TSPAN12: variants seen among roughly 807,000 people sequenced by gnomAD.
The protein encoded by TSPAN12 is tetraspanin-12.
A neutral mutation model predicts 39.2 loss-of-function variants in TSPAN12; 19 were observed. The ratio of observed to expected loss-of-function variants is 0.49; its 90% CI spans 0.34 to 0.71. The LOEUF is 0.71. Ranked by LOEUF, TSPAN12 falls within the 30% of genes least tolerant of loss-of-function variation. TSPAN12 has a pLI of 0.01. For synonymous variants in TSPAN12, 119 were observed against 124.8 expected, an observed-to-expected ratio of 0.95 and a Z score of 0.31; for missense variants, 314 against 359.9, an observed-to-expected ratio of 0.87 and a Z score of 1.03.
intron 4 of TSPAN12, among the ~76,000 whole-genome samples, chr7:120,828,020 G>A (rs1794321956): frequency 6.6e-6 from 1 of 152,118 alleles, no homozygotes; most frequent in Non-Finnish European, 1.5e-5. Flanking sequence ...AAGACATCTA[G>A]ATTAATAGAA....
chr7:120,813,141 A>G (rs1794014794), intron 5 of TSPAN12, among the ~76,000 whole-genome samples: 1 of 152,234 alleles, frequency 6.6e-6, no homozygotes, highest in Admixed American at 6.5e-5. Flanking sequence ...AAAAGCACAA[A>G]GCCCATTCTA....
At chr7:120,847,495 A>T (rs918525613) in intron 2 of TSPAN12, among the ~76,000 whole-genome samples, 1 of 152,178 alleles carries the variant, frequency 6.6e-6, no homozygotes, top group Non-Finnish European at 1.5e-5. Context: ...ACTTACCTCC[A>T]TTCCTCCAAA....
chr7:120,814,597 A>G (rs374826923), intron 5 of TSPAN12, among the ~76,000 whole-genome samples: 1 of 152,314 alleles, frequency 6.6e-6, no homozygotes, highest in East Asian at 1.9e-4. Context: ...ACATCACATC[A>G]CTAGCAGTAA....
At chr7:120,854,207 G>A (rs962625919) in intron 2 of TSPAN12, among the ~76,000 whole-genome samples, 1 of 152,174 alleles carries the variant, frequency 6.6e-6, no homozygotes, top group Non-Finnish European at 1.5e-5. Flanking sequence ...ATATAATGGG[G>A]TAATTACTGC....
intron 7 of TSPAN12, among the ~76,000 whole-genome samples, chr7:120,806,226 C>T (rs1793870466): frequency 6.6e-6 from 1 of 152,028 alleles, no homozygotes; most frequent in African/African-American, 2.4e-5. Context: ...GCTTCTTGCA[C>T]ATCCAGTGTT....
At chr7:120,831,106 G>A (rs1794382789) in intron 4 of TSPAN12, among the ~76,000 whole-genome samples, 1 of 151,974 alleles carries the variant, frequency 6.6e-6, no homozygotes, top group Non-Finnish European at 1.5e-5. Flanking sequence ...ATATCAACTT[G>A]TAGCTCTTAG....
At chr7:120,795,810 A>C (rs1793616844) in intron 7 of TSPAN12, among the ~76,000 whole-genome samples, 1 of 152,240 alleles carries the variant, frequency 6.6e-6, no homozygotes, top group Non-Finnish European at 1.5e-5. Flanking sequence ...TAAGCTCTGC[A>C]GGGAAATAAT....
chr7:120,806,596 A>G lies in TSPAN12; in HGVS notation c.565T>C (p.Cys189Arg). 6.2e-7 allele frequency: 1 copy of G among 1,613,592 alleles called. No individual in the cohort carries two copies. The highest frequency in any genetic ancestry group is 8.5e-7 in the Non-Finnish European group (1 of 1,179,636). The change falls in exon 7 of 8, where the codon TGT (cysteine) becomes CGT (arginine). Residue 189 changes from cysteine (C) to arginine (R), a missense_variant. Physicochemically the swap from Cys to Arg is radical, Grantham distance 180. Coordinates refer to ENST00000222747, the MANE Select transcript of TSPAN12 (RefSeq NM_012338.4). The stretch of plus-strand genomic sequence containing the variant: ...TCTTCCTGGTGGGCCTGTTTGGAAC[A>G]TCCTGGGAATTCTCTAACACAGCAG... ...DSCCVREFPG[C>R]SKQAHQEDLS...
At chr7:120,850,319 A>AT (rs578172079) in intron 2 of TSPAN12, among the ~76,000 whole-genome samples, 15 of 152,242 alleles carry the variant, frequency 9.9e-5, no homozygotes, top group Non-Finnish European at 2.1e-4. Flanking sequence ...TTGTTTGGGC[A>AT]TAATTCTTAG....
intron 6 of TSPAN12, 41 bp downstream of exon 6, chr7:120,810,422 A>T: frequency 8.0e-7 from 1 of 1,243,820 alleles, no homozygotes; most frequent in Non-Finnish European, 1.2e-6. Flanking sequence ...AAGGTGCACC[A>T]CTTACTTCAC....
chr7:120,813,371 A>T (rs941160102), intron 5 of TSPAN12, among the ~76,000 whole-genome samples: 4 of 152,224 alleles, frequency 2.6e-5, no homozygotes, highest in African/African-American at 9.6e-5. Flanking sequence ...CTGGAATGGC[A>T]GTGGGCACCT....
chr7:120,789,132 CA>C (rs1343797894), intron 7 of TSPAN12, among the ~76,000 whole-genome samples: 1 of 152,182 alleles, frequency 6.6e-6, no homozygotes, highest in African/African-American at 2.4e-5. Flanking sequence ...TTGTCTTTCT[CA>C]AAACCTGAAA....
intron 7 of TSPAN12, among the ~76,000 whole-genome samples, chr7:120,799,873 A>G (rs1044377573): frequency 1.4e-5 from 2 of 140,952 alleles, no homozygotes; most frequent in Admixed American, 7.5e-5. Flanking sequence ...ATGATATATT[A>G]CTATTAATTA....
intron 7 of TSPAN12, 150 bp from the exon 8 acceptor site, chr7:120,789,047 GAGA>G (rs1427747326): frequency 3.6e-5 from 29 of 803,568 alleles, no homozygotes; most frequent in Admixed American, 2.0e-4. Flanking sequence ...GAAAGCTGAT[GAGA>G]AGAAGGAGAG....
At chr7:120,810,621 G>T (rs750419987) in intron 5 of TSPAN12, 51 bp from the exon 6 acceptor site, 8 of 821,854 alleles carry the variant, frequency 9.7e-6, no homozygotes, top group East Asian at 7.7e-5. Flanking sequence ...CACAGACACA[G>T]ATTCACACAC....
chr7:120,805,806 T>C (rs1793861238), intron 7 of TSPAN12, among the ~76,000 whole-genome samples: 1 of 152,154 alleles, frequency 6.6e-6, no homozygotes, highest in Admixed American at 6.6e-5. Flanking sequence ...TTAATTTTAA[T>C]TCAAATGGCC....
intron 4 of TSPAN12, among the ~76,000 whole-genome samples, chr7:120,831,667 G>A (rs1041897916): frequency 6.6e-6 from 1 of 151,978 alleles, no homozygotes; most frequent in African/African-American, 2.4e-5. Context: ...GAGGGTGAAA[G>A]GATGATTAAT....
intron 2 of TSPAN12, 68 bp downstream of exon 2, chr7:120,856,630 A>T: frequency 6.6e-7 from 1 of 1,505,334 alleles, no homozygotes; most frequent in Non-Finnish European, 9.3e-7. Context: ...CCTTTGGCGC[A>T]TTATCCGGTG....
At chr7:120,830,047 T>C (rs913133244) in intron 4 of TSPAN12, among the ~76,000 whole-genome samples, 15 of 152,100 alleles carry the variant, frequency 9.9e-5, no homozygotes, top group Admixed American at 1.3e-4. Flanking sequence ...CATACTTTCA[T>C]GGGGCATCAG....
Sources: gnomAD v4.1 joint callset for allele counts (sites outside exome capture counted in the v4.1 genomes callset) on GRCh38, gnomAD v4.1.1 for gene constraint, MANE v1.5 for transcripts, NCBI Gene and HGNC (gene_info 2026-07-23, HGNC 2026-07-21) for gene names.